The following NPAS2 variants were observed in gnomAD, a reference collection of about 807,000 sequenced individuals.
The protein encoded by NPAS2 is neuronal PAS domain protein 2.
A neutral mutation model predicts 107.5 loss-of-function variants in NPAS2; 23 were observed. That is an observed-to-expected ratio of 0.21 (90% CI 0.15 to 0.30). NPAS2 has a LOEUF of 0.30. NPAS2 is among the 10% of genes least tolerant of loss of function. NPAS2 has a pLI of 1.00. For missense variants in NPAS2, 756 were observed against 1,043.3 expected (o/e 0.72, Z 3.79); for synonymous variants, 403 against 417.5 (o/e 0.97, Z 0.42).
Position 100,898,086 on chromosome 2 carries a change from C to CT in NPAS2, c.-22-6636dup, listed in dbSNP as rs1396365204. Among the ~76,000 whole-genome samples the CT allele has an allele frequency of 3.2e-3, 469 of 147,792 alleles. 2 individuals carry two copies. Among genetic ancestry groups the CT allele is most frequent in the African/African-American group, 0.01 (419 of 40,558 alleles). ...CAATCAAAATCGCATCAAGCTATCA[C>CT]TTTTTTTTTTTGAGGCACAGGGTTT... is the stretch of plus-strand genomic sequence containing the variant. On this transcript the variant is annotated intron_variant, in intron 1 of 20. Transcript: ENST00000335681.
chr2:100,822,266 T>C (rs1676116169), intron 1 of NPAS2, among the ~76,000 whole-genome samples: 1 of 152,226 alleles, frequency 6.6e-6, no homozygotes, highest in African/African-American at 2.4e-5. Flanking sequence ...GAGGCTTTAC[T>C]AATTAGTGGT....
chr2:100,985,812 A>G (rs1677745144), intron 16 of NPAS2: 1 of 152,126 alleles, frequency 6.6e-6, no homozygotes, highest in Non-Finnish European at 1.5e-5. Flanking sequence ...TAAGGCTTTG[A>G]AAAGTTATTA....
rs778881458 is a variant in NPAS2, at chr2:100,982,232, T to A, written c.1484T>A (p.Phe495Tyr). The change falls in exon 16 of 21, where the codon TTT (phenylalanine) becomes TAT (tyrosine). Residue 495 changes from phenylalanine to tyrosine, a missense_variant and splice_region_variant. Physicochemically the swap from Phe to Tyr is conservative, Grantham distance 22. Around this residue, in one of 4 missense-constraint regions of NPAS2, gnomAD observed 496 missense variants for 594.4 expected, o/e 0.83. Transcript: ENST00000335681. ...ATGTTTTTCGGCTCCACCTTGAAGT[T>A]TTCGGCACAGTTCAGCATGTTCCAG... ...LQSTPAPMAQ[F>Y]SAQFSMFQTI... 6 of 1,614,086 alleles carry A rather than the reference T, an allele frequency of 3.7e-6. No homozygotes were observed. Among genetic ancestry groups the A allele is most frequent in the Non-Finnish European group, 4.2e-6 (5 of 1,179,996 alleles).
chr2:100,933,064 A>AT, intron 4 of NPAS2, 63 bp downstream of exon 4: 2 of 1,244,552 alleles, frequency 1.6e-6, no homozygotes, highest in Non-Finnish European at 2.4e-6. Flanking sequence ...CTTGTTGCAG[A>AT]TAAGTCCCTG....
intron 5 of NPAS2, among the ~76,000 whole-genome samples, chr2:100,947,626 G>A (rs1284460368): frequency 6.6e-6 from 1 of 152,068 alleles, no homozygotes; most frequent in East Asian, 1.9e-4. Context: ...GTAACCATGT[G>A]GCTAGTGGCT....
At chr2:100,886,995 AG>A (rs1382826174) in intron 1 of NPAS2, among the ~76,000 whole-genome samples, 1 of 152,250 alleles carries the variant, frequency 6.6e-6, no homozygotes, top group Non-Finnish European at 1.5e-5. Flanking sequence ...CGTGACATAA[AG>A]GGGAAAAATG....
rs1446997513 is a variant in NPAS2, at chr2:100,976,559, GCCA to G, written c.1392+993_1392+995del. Among the ~76,000 whole-genome samples, 10 of 152,182 alleles carry G rather than the reference GCCA, an allele frequency of 6.6e-5. No homozygotes were observed. Among genetic ancestry groups the G allele is most frequent in the Admixed American group, 6.5e-4 (10 of 15,282 alleles). ...TTTTAGGGGCCACCTCCAGATAGTT[GCCA>G]AACCCCTCCCACCCACACTTCACTG... On this transcript the variant is annotated intron_variant, in intron 14 of 20. Transcript: ENST00000335681. This position sits in a 1 kb window ranked among gnomAD's most constrained non-coding sequence, Gnocchi z 4.1.
intron 1 of NPAS2, among the ~76,000 whole-genome samples, chr2:100,848,376 A>G (rs150893842): frequency 3.9e-5 from 6 of 152,320 alleles, no homozygotes; most frequent in Non-Finnish European, 8.8e-5. Context: ...AAGTTCTTAT[A>G]GACACAAATC....
chr2:100,991,379 A>G lies in NPAS2; in HGVS notation c.2111+507A>G, dbSNP rs151161094. Among the ~76,000 whole-genome samples the G allele has an allele frequency of 6.5e-3, 994 of 152,368 alleles. 4 individuals are homozygous for G. Among genetic ancestry groups the G allele is most frequent in the South Asian group, 0.014 (66 of 4,830 alleles). On this transcript the variant is annotated intron_variant, in intron 19 of 20. Transcript: ENST00000335681. ...ACTCAGCTACTTAATTACTAGGGACAACGGTTACTGGAGACACGGGGAATA... is the reference window on the plus strand; with the variant it reads ...ACTCAGCTACTTAATTACTAGGGACGACGGTTACTGGAGACACGGGGAATA...
chr2:100,987,925 C>G (rs1476048829), intron 16 of NPAS2, 154 bp from the exon 17 acceptor site: 7 of 796,570 alleles, frequency 8.8e-6, no homozygotes, highest in Non-Finnish European at 1.5e-5. Flanking sequence ...CTTGGGGCAT[C>G]ACAGGTGCTC....
intron 7 of NPAS2, among the ~76,000 whole-genome samples, chr2:100,954,684 A>G (rs1234835489): frequency 3.0e-4 from 28 of 93,412 alleles, no homozygotes; most frequent in South Asian, 2.2e-3. Context: ...AAAAAAAGAA[A>G]AAAAAGAAAA....
At position 100,852,352 on chromosome 2, in the gene NPAS2, G is replaced by A. The variant is rs10185869; in HGVS notation, c.-23+31938G>A. Among the ~76,000 whole-genome samples the A allele has an allele frequency of 6.1e-3, 933 of 152,140 alleles. 9 individuals carry two copies. Among genetic ancestry groups the A allele is most frequent in the African/African-American group, 0.02 (841 of 41,530 alleles). ...GCAGAGCTTGCAGTGAGCTGAGATC[G>A]CACCACTGCGCTCCAGCCTGGGTGA... is the stretch of plus-strand genomic sequence containing the variant. On this transcript the variant is annotated intron_variant, in intron 1 of 20. Transcript: ENST00000335681.
intron 1 of NPAS2, among the ~76,000 whole-genome samples, chr2:100,899,633 T>C (rs1229619108): frequency 6.6e-6 from 1 of 152,192 alleles, no homozygotes; most frequent in African/African-American, 2.4e-5. Flanking sequence ...TTCTCTACTC[T>C]CTTTGCATTT....
At chr2:100,894,266 C>T (rs1681263125) in intron 1 of NPAS2, among the ~76,000 whole-genome samples, 1 of 152,196 alleles carries the variant, frequency 6.6e-6, no homozygotes, top group Non-Finnish European at 1.5e-5. Flanking sequence ...TTTTGAGGGT[C>T]TGCTGTGTGA....
chr2:100,918,353 C>T (rs1051569063), intron 2 of NPAS2, among the ~76,000 whole-genome samples: 5 of 152,074 alleles, frequency 3.3e-5, no homozygotes, highest in Non-Finnish European at 5.9e-5. Context: ...CAAAGAGTTC[C>T]TAGACCTAAC....
rs561257597 is a variant in NPAS2 at position 100,950,930 on chromosome 2, C to T, written c.598+1450C>T. On this transcript the variant is annotated intron_variant, in intron 7 of 20. Coordinates refer to ENST00000335681, the MANE Select transcript of NPAS2 (RefSeq NM_002518.4). ...ACACAAAGAAGTAAATGGAAGCTCT[C>T]GTTGGGCTACTCAGTTAAAGAAACT... Among the ~76,000 whole-genome samples, 92 of 152,278 alleles carry T rather than the reference C, an allele frequency of 6.0e-4. 1 individual carries two copies. The highest frequency in any genetic ancestry group is 2.1e-3 in the African/African-American group (88 of 41,560).
intron 1 of NPAS2, chr2:100,822,759 TC>T (rs1268342298): frequency 6.6e-6 from 1 of 152,212 alleles, no homozygotes; most frequent in Admixed American, 6.5e-5. Flanking sequence ...CACGACACTG[TC>T]CCATGCTGAT....
At chr2:100,884,575 G>T (rs1488414413) in intron 1 of NPAS2, among the ~76,000 whole-genome samples, 1 of 152,152 alleles carries the variant, frequency 6.6e-6, no homozygotes, top group Non-Finnish European at 1.5e-5. Context: ...CACTCCTTGT[G>T]ATCAAGGCTG....
intron 1 of NPAS2, among the ~76,000 whole-genome samples, chr2:100,880,159 A>G (rs1680241206): frequency 6.6e-6 from 1 of 152,200 alleles, no homozygotes; most frequent in Non-Finnish European, 1.5e-5. Flanking sequence ...GAACACTCAT[A>G]CATGGCTGGT....
Sources: allele counts gnomAD v4.1 joint callset (sites outside exome capture counted in the v4.1 genomes callset), GRCh38; gene constraint gnomAD v4.1.1; regional missense constraint gnomAD v4.1.1; non-coding constraint Gnocchi (gnomAD v3.1); transcripts MANE v1.5; gene names NCBI Gene and HGNC (gene_info 2026-07-23, HGNC 2026-07-21).